CDKN1B: variants seen among roughly 807,000 people sequenced by gnomAD.
CDKN1B encodes cyclin-dependent kinase inhibitor 1B.
Under a neutral mutation model 17.1 loss-of-function variants are expected in CDKN1B, and 7 were observed. That is an observed-to-expected ratio of 0.41 (90% CI 0.23 to 0.77). The LOEUF is 0.77. CDKN1B is among the 30% of genes least tolerant of loss of function. The probability of loss-of-function intolerance (pLI) is 0.33; values close to 1 mark genes in which losing one functional copy is unlikely to be tolerated. For missense variants in CDKN1B, 337 were observed against 262.0 expected (o/e 1.29, Z -1.98); for synonymous variants, 149 against 104.3 (o/e 1.43, Z -2.61).
chr12:12,718,696 T>C (rs930240436), intron 1 of CDKN1B, 129 bp from the exon 2 acceptor site: 3 of 1,084,472 alleles, frequency 2.8e-6, no homozygotes, highest in Non-Finnish European at 4.2e-6. Flanking sequence ...CCACTGGGGA[T>C]GACGGATCCA....
chr12:12,718,647 C>T (rs999299185), intron 1 of CDKN1B, among the ~76,000 whole-genome samples, 178 bp from the exon 2 acceptor site: 2 of 152,100 alleles, frequency 1.3e-5, no homozygotes, highest in African/African-American at 4.8e-5. Flanking sequence ...AATGCACTTT[C>T]TGTTTTTTGA....
In CDKN1B at chr12:12,722,263, G is replaced by C. The variant is rs913134005; in HGVS notation, c.*1236G>C. ...CTCTTTTGTTAAATAATATGGCTAT[G>C]CTTAAAAGGTTGCATACTGAGCCAA... On this transcript the variant is annotated 3_prime_UTR_variant, in exon 3 of 3. Coordinates refer to ENST00000228872, the MANE Select transcript of CDKN1B (RefSeq NM_004064.5). 3 of 152,576 alleles carry C rather than the reference G, an allele frequency of 2.0e-5. No individual in the cohort carries two copies. The highest frequency in any genetic ancestry group is 4.4e-5 in the Non-Finnish European group (3 of 68,030). The allele number at this position is 152,576 out of a possible 1,614,324, so 9.5% of individuals were successfully genotyped here.
At position 12,722,143 on chromosome 12, in the gene CDKN1B, TGTTAA is replaced by T. The variant is rs1372924479; in HGVS notation, c.*1117_*1121del. 6.6e-6 allele frequency: 1 copy of T among 152,630 alleles called. No individual in the cohort carries two copies. The highest frequency in any genetic ancestry group is 1.5e-5 in the Non-Finnish European group (1 of 68,040). The allele number at this position is 152,630 out of a possible 1,614,324, so 9.5% of individuals were successfully genotyped here. A position where few individuals can be genotyped will look rare whatever the true frequency, so the allele number is the denominator to read the frequency against. On this transcript the variant is annotated 3_prime_UTR_variant, in exon 3 of 3. Coordinates refer to ENST00000228872, the MANE Select transcript of CDKN1B (RefSeq NM_004064.5). ...CTGAAAAATTATACTAACTTATTTA[TGTTAA>T]AAGATTTTTTTTAATCTAGACAATA... is the stretch of plus-strand genomic sequence containing the variant.
rs186188049 is a variant in CDKN1B at position 12,719,812 on chromosome 12, G to A, written c.*8+858G>A. 1.4e-4 allele frequency among the ~76,000 whole-genome samples: 22 copies of A among 152,286 alleles called. No homozygotes were observed. In the East Asian group the frequency reaches 4.0e-3, roughly 28 times the overall value. On this transcript the variant is annotated intron_variant, in intron 2 of 2. Transcript: ENST00000228872. ...TTCCATGCACAAGAATCTGATCACT[G>A]TAAATAGCTAATTTGAATAATTCAG... is the stretch of plus-strand genomic sequence containing the variant.
Position 12,718,045 on chromosome 12 carries a change from C to T in CDKN1B, c.206C>T (p.Pro69Leu), listed in dbSNP as rs777354267. 28 of 1,614,118 alleles carry T rather than the reference C, an allele frequency of 1.7e-5. No homozygotes were observed. Among genetic ancestry groups the T allele is most frequent in the Non-Finnish European group, 2.1e-5 (25 of 1,180,044 alleles). ...KWNFDFQNHK[P>L]LEGKYEWQEV... The stretch of plus-strand genomic sequence containing the variant: ...AATTTCGATTTTCAGAATCACAAAC[C>T]CCTAGAGGGCAAGTACGAGTGGCAA... The change falls in exon 1 of 3, where the codon CCC becomes CTC. Residue 69 changes from proline (P) to leucine (L), a missense_variant. Pro to Leu is a moderately conservative substitution (Grantham distance 98, BLOSUM62 -3). Transcript: ENST00000228872.
intron 2 of CDKN1B, among the ~76,000 whole-genome samples, chr12:12,720,190 G>GC (rs1565420509): frequency 2.6e-5 from 4 of 151,906 alleles, no homozygotes; most frequent in Non-Finnish European, 5.9e-5. Flanking sequence ...CTTAACATGC[G>GC]CAGCCCTTGT....
intron 2 of CDKN1B, among the ~76,000 whole-genome samples, chr12:12,720,404 T>G (rs1946530449): frequency 6.6e-6 from 1 of 152,210 alleles, no homozygotes; most frequent in South Asian, 2.1e-4. Flanking sequence ...TTAGAATATT[T>G]TGAAAATGAT....
intron 2 of CDKN1B, 119 bp downstream of exon 2, chr12:12,719,073 C>A (rs1290810144): frequency 3.8e-6 from 5 of 1,314,950 alleles, no homozygotes; most frequent in South Asian, 1.2e-5. Flanking sequence ...GTTTATACTT[C>A]GTGAGGTCAA....
In CDKN1B at chr12:12,717,396, A is replaced by G; in HGVS notation, c.-444A>G. 1 of 1,149,860 alleles carries G rather than the reference A, an allele frequency of 8.7e-7. No individual in the cohort carries two copies. Among genetic ancestry groups the G allele is most frequent in the Non-Finnish European group, 1.1e-6 (1 of 928,716 alleles). 71.2% of individuals were successfully genotyped at this position (1,149,860 alleles called of 1,614,324 possible). ...CTTCGTCAGCCTCCCTTCCACCGCCATATTGGGCCACTAAAAAAAGGGGGC... is the reference window on the plus strand; with the variant it reads ...CTTCGTCAGCCTCCCTTCCACCGCCGTATTGGGCCACTAAAAAAAGGGGGC... On this transcript the variant is annotated 5_prime_UTR_variant, in exon 1 of 3. Coordinates refer to ENST00000228872, the MANE Select transcript of CDKN1B (RefSeq NM_004064.5).
chr12:12,720,873 A>G (rs1489292229), intron 2 of CDKN1B, among the ~76,000 whole-genome samples, 163 bp from the exon 3 acceptor site: 4 of 152,232 alleles, frequency 2.6e-5, no homozygotes, highest in Non-Finnish European at 5.9e-5. Context: ...GGAAAAAAAA[A>G]TCCAGTTAAG....
chr12:12,719,313 A>C (rs1946519021), intron 2 of CDKN1B: 1 of 226,514 alleles, frequency 4.4e-6, no homozygotes, highest in Admixed American at 5.1e-5. Flanking sequence ...ATGAGAATTA[A>C]TTTCCTAGAG....
rs774102258 is a variant in CDKN1B at position 12,718,918 on chromosome 12, A to C, written c.569A>C (p.Lys190Thr). The C allele has an allele frequency of 6.2e-7, 1 of 1,614,176 alleles. No homozygotes were observed. The highest frequency in any genetic ancestry group is 8.5e-7 in the Non-Finnish European group (1 of 1,180,022). Residue 190 changes from lysine to threonine, a missense_variant, in exon 2 of 3, where the codon AAG (lysine) becomes ACG (threonine). By Grantham distance (78) the Lys-to-Thr change is moderately conservative. Coordinates refer to ENST00000228872, the MANE Select transcript of CDKN1B (RefSeq NM_004064.5). ...GGTTCTGTGGAGCAGACGCCCAAGA[A>C]GCCTGGCCTCAGAAGACGTCAAACG... ...NAGSVEQTPK[K>T]PGLRRRQT
chr12:12,719,332 T>C (rs1946519111), intron 2 of CDKN1B: 1 of 228,290 alleles, frequency 4.4e-6, no homozygotes, highest in Non-Finnish European at 8.9e-6. Context: ...AGGTTCAGCT[T>C]GAGTCGGTAA....
Position 12,718,165 on chromosome 12 carries a change from T to C in CDKN1B, c.326T>C (p.Val109Ala), listed in dbSNP as rs2066827. The change falls in exon 1 of 3, where the codon GTC becomes GCC. Residue 109 changes from valine to alanine, a missense_variant. By Grantham distance (64) the Val-to-Ala change is moderately conservative. Transcript: ENST00000228872. ...GTGCCGGCGCAGGAGAGCCAGGATGTCAGCGGGAGCCGCCCGGCGGCGCCT... is the reference window on the plus strand; with the variant it reads ...GTGCCGGCGCAGGAGAGCCAGGATGCCAGCGGGAGCCGCCCGGCGGCGCCT... ...CKVPAQESQD[V>A]SGSRPAAPLI... 13 of 1,613,370 alleles carry C rather than the reference T, an allele frequency of 8.1e-6. No homozygotes were observed. The South Asian group carries it at 1.3e-4, about 16-fold the overall frequency.
Position 12,717,480 on chromosome 12 carries a change from G to A in CDKN1B, c.-360G>A, listed in dbSNP as rs1469993032. The A allele has an allele frequency of 3.7e-6, 5 of 1,337,952 alleles. No individual in the cohort carries two copies. The highest frequency in any genetic ancestry group is 3.3e-5 in the Admixed American group (1 of 29,964). The allele number at this position is 1,337,952 out of a possible 1,614,324, so 82.9% of individuals were successfully genotyped here. ...TGTCCCCGCTTGCTCACGGCTCTGCGACTCCGACGCCGGCAAGGTTTGGAG... is the reference window on the plus strand; with the variant it reads ...TGTCCCCGCTTGCTCACGGCTCTGCAACTCCGACGCCGGCAAGGTTTGGAG... On this transcript the variant is annotated 5_prime_UTR_variant, in exon 1 of 3. Transcript: ENST00000228872.
rs1060503871 is a variant in CDKN1B, at chr12:12,718,157, C to T, written c.318C>T (p.Ser106=). Residue 106 remains serine, a synonymous_variant, in exon 1 of 3, where the codon AGC becomes AGT. Coordinates refer to ENST00000228872, the MANE Select transcript of CDKN1B (RefSeq NM_004064.5). ...KGACKVPAQE[S]QDVSGSRPAA... ...CCTGCAAGGTGCCGGCGCAGGAGAG[C>T]CAGGATGTCAGCGGGAGCCGCCCGG... is the stretch of plus-strand genomic sequence containing the variant. The T allele has an allele frequency of 6.2e-7, 1 of 1,613,802 alleles. No homozygotes were observed. Among genetic ancestry groups the T allele is most frequent in the Non-Finnish European group, 8.5e-7 (1 of 1,179,918 alleles).
chr12:12,717,489 G>T lies in CDKN1B; in HGVS notation c.-351G>T, dbSNP rs1481084104. The T allele has an allele frequency of 1.5e-6, 2 of 1,338,894 alleles. No individual in the cohort carries two copies. The allele number at this position is 1,338,894 out of a possible 1,614,324, so 82.9% of individuals were successfully genotyped here. On this transcript the variant is annotated 5_prime_UTR_variant, in exon 1 of 3. Coordinates refer to ENST00000228872, the MANE Select transcript of CDKN1B (RefSeq NM_004064.5). Reference sequence around the variant, plus strand: ...TTGCTCACGGCTCTGCGACTCCGACGCCGGCAAGGTTTGGAGAGCGGCTGG... The same window carrying T: ...TTGCTCACGGCTCTGCGACTCCGACTCCGGCAAGGTTTGGAGAGCGGCTGG...
chr12:12,721,283 A>C lies in CDKN1B; in HGVS notation c.*256A>C, dbSNP rs953315980. ...ATTTGCTTCATTGTACTACCTGTGT[A>C]TATAGTTTTTACCTTTTATGTAGCA... On this transcript the variant is annotated 3_prime_UTR_variant, in exon 3 of 3. Transcript: ENST00000228872. The C allele has an allele frequency of 5.5e-6, 2 of 363,188 alleles. No homozygotes were observed. Among genetic ancestry groups the C allele is most frequent in the Non-Finnish European group, 1.1e-5 (2 of 181,786 alleles). 22.5% of individuals were successfully genotyped at this position (363,188 alleles called of 1,614,324 possible).
chr12:12,718,222 C>G lies in CDKN1B; in HGVS notation c.383C>G (p.Thr128Arg), dbSNP rs761235464. 3 of 1,612,790 alleles carry G rather than the reference C, an allele frequency of 1.9e-6. No homozygotes were observed. Among genetic ancestry groups the G allele is most frequent in the Non-Finnish European group, 2.5e-6 (3 of 1,179,968 alleles). ...LIGAPANSED[T>R]HLVDPKTDPS... ...GGGGCTCCGGCTAACTCTGAGGACA[C>G]GCATTTGGTGGACCCAAAGACTGAT... Residue 128 changes from threonine (T) to arginine (R), a missense_variant, in exon 1 of 3, where the codon ACG becomes AGG. Physicochemically the swap from Thr to Arg is moderately conservative, Grantham distance 71. Coordinates refer to ENST00000228872, the MANE Select transcript of CDKN1B (RefSeq NM_004064.5).
Sources: gnomAD v4.1 joint callset for allele counts (sites outside exome capture counted in the v4.1 genomes callset) on GRCh38, gnomAD v4.1.1 for gene constraint, MANE v1.5 for transcripts, NCBI Gene and HGNC (gene_info 2026-07-23, HGNC 2026-07-21) for gene names.